Variants in PPP1R14C observed in about 807,000 individuals in gnomAD.
PPP1R14C encodes the protein protein phosphatase 1 regulatory subunit 14C.
In PPP1R14C, 16 loss-of-function variants were observed where a neutral mutation model predicts 20.4. That is an observed-to-expected ratio of 0.78 (90% CI 0.53 to 1.19). The LOEUF (loss-of-function observed/expected upper bound fraction) is 1.19, where lower values mean the gene tolerates loss of function less well. Ranked by LOEUF, PPP1R14C falls within the 50% of genes most tolerant of loss-of-function variation. The pLI is 0.00. For synonymous variants in PPP1R14C, 91 were observed against 91.0 expected (o/e 1.00, Z 0.00); for missense variants, 211 against 220.1 (o/e 0.96, Z 0.26).
intron 1 of PPP1R14C, among the ~76,000 whole-genome samples, chr6:150,177,871 G>A (rs1250642789): frequency 6.6e-6 from 1 of 152,172 alleles, no homozygotes; most frequent in Non-Finnish European, 1.5e-5. Flanking sequence ...CTCATCTCCT[G>A]AGGCCCCGTC....
At chr6:150,238,057 T>A (rs1398163883) in intron 3 of PPP1R14C, among the ~76,000 whole-genome samples, 1 of 152,244 alleles carries the variant, frequency 6.6e-6, no homozygotes, top group Non-Finnish European at 1.5e-5. Context: ...CCTGCTGTTC[T>A]GTCCCTGCCC....
chr6:150,214,925 GGTGTTGGCA>G, intron 2 of PPP1R14C, 98 bp downstream of exon 2: 1 of 841,706 alleles, frequency 1.2e-6, no homozygotes, highest in Non-Finnish European at 1.9e-6. Flanking sequence ...GCCCTGTGGT[GGTGTTGGCA>G]CCAGGACCTG....
At chr6:150,231,325 T>G (rs905283704) in intron 3 of PPP1R14C, among the ~76,000 whole-genome samples, 3 of 152,194 alleles carry the variant, frequency 2.0e-5, no homozygotes, top group Admixed American at 6.5e-5. Flanking sequence ...TCCTCTGTAT[T>G]AGTATGTGTG....
chr6:150,178,501 C>T (rs1777587200), intron 1 of PPP1R14C, among the ~76,000 whole-genome samples: 2 of 152,206 alleles, frequency 1.3e-5, no homozygotes, highest in South Asian at 4.1e-4. Context: ...CTTTGAAGTT[C>T]ATTTCTTCAG....
Position 150,200,183 on chromosome 6 carries a change from T to C in PPP1R14C, c.307-14561T>C, listed in dbSNP as rs150525731. Among the ~76,000 whole-genome samples, 437 of 150,316 alleles carry C rather than the reference T, an allele frequency of 2.9e-3. 8 individuals are homozygous for C. The East Asian group carries it at 0.04, about 14-fold the overall frequency. The stretch of plus-strand genomic sequence containing the variant: ...AGGGCTTTTATAGGATATATATATA[T>C]ACACACACACATACACACACATGTA... On this transcript the variant is annotated intron_variant, in intron 1 of 3. Transcript: ENST00000361131.
rs540307914 is a variant in PPP1R14C, at chr6:150,200,233, C to A, written c.307-14511C>A. Among the ~76,000 whole-genome samples the A allele has an allele frequency of 3.9e-5, 6 of 152,134 alleles. No homozygotes were observed. The South Asian group carries it at 8.3e-4, about 21-fold the overall frequency. On this transcript the variant is annotated intron_variant, in intron 1 of 3. Transcript: ENST00000361131. ...ACACAACACACACACACACAACACACACATACACACATACCTGTAGGATGT... is the reference window on the plus strand; with the variant it reads ...ACACAACACACACACACACAACACAAACATACACACATACCTGTAGGATGT...
chr6:150,224,552 G>A lies in PPP1R14C; in HGVS notation c.423+7696G>A, dbSNP rs372211889. 3.0e-4 allele frequency among the ~76,000 whole-genome samples: 45 copies of A among 152,308 alleles called. 2 individuals carry two copies. The South Asian group carries it at 3.7e-3, about 13-fold the overall frequency. ...AAGATTCTTTCCTCAGCTGTGTGCA[G>A]TTTACTAATGAACCCATCAAAGGCA... On this transcript the variant is annotated intron_variant, in intron 3 of 3. Transcript: ENST00000361131.
rs912754246 is a variant in PPP1R14C, at chr6:150,233,699, G to A, written c.424-15047G>A. On this transcript the variant is annotated intron_variant, in intron 3 of 3. Transcript: ENST00000361131. Reference sequence around the variant, plus strand: ...TGTGGGAGACTGGCCAGGCACTTTCGGACTGCATTGTTGATTGCCATGCCT... The same window carrying A: ...TGTGGGAGACTGGCCAGGCACTTTCAGACTGCATTGTTGATTGCCATGCCT... Among the ~76,000 whole-genome samples the A allele has an allele frequency of 2.6e-5, 4 of 152,072 alleles. No individual in the cohort carries two copies. In the East Asian group the frequency reaches 7.7e-4, roughly 29 times the overall value.
At chr6:150,192,705 G>A (rs1004755566) in intron 1 of PPP1R14C, among the ~76,000 whole-genome samples, 1 of 152,182 alleles carries the variant, frequency 6.6e-6, no homozygotes, top group African/African-American at 2.4e-5. Flanking sequence ...GGGGTTGATA[G>A]GACTCAGCTG....
At position 150,200,171 on chromosome 6, in the gene PPP1R14C, G is replaced by GATATATATATAT. The variant is rs145406314; in HGVS notation, c.307-14571_307-14560dup. On this transcript the variant is annotated intron_variant, in intron 1 of 3. Transcript: ENST00000361131. ...TATTAATATTTGAGGGCTTTTATAG[G>GATATATATATAT]ATATATATATATACACACACACATA... 7.5e-3 allele frequency among the ~76,000 whole-genome samples: 1,103 copies of GATATATATATAT among 147,960 alleles called. 8 individuals carry two copies. The highest frequency in any genetic ancestry group is 0.022 in the African/African-American group (904 of 40,298).
At chr6:150,181,491 T>G (rs1777621454) in intron 1 of PPP1R14C, among the ~76,000 whole-genome samples, 1 of 152,192 alleles carries the variant, frequency 6.6e-6, no homozygotes, top group Non-Finnish European at 1.5e-5. Flanking sequence ...GAATATTTAA[T>G]TATTAGCTAT....
intron 3 of PPP1R14C, among the ~76,000 whole-genome samples, chr6:150,242,405 A>G (rs1323136505): frequency 2.2e-5 from 2 of 92,102 alleles, no homozygotes; most frequent in African/African-American, 1.2e-4. Flanking sequence ...GGAATGCAAG[A>G]TTAGTTTAAC....
At chr6:150,146,098 TACTAGGTG>T (rs1276454335) in intron 1 of PPP1R14C, among the ~76,000 whole-genome samples, 2 of 152,234 alleles carry the variant, frequency 1.3e-5, no homozygotes, top group Non-Finnish European at 2.9e-5. Flanking sequence ...ATTACCTACC[TACTAGGTG>T]ACTAGGTGCT....
intron 1 of PPP1R14C, among the ~76,000 whole-genome samples, chr6:150,158,759 G>A (rs1290859607): frequency 1.3e-5 from 2 of 152,316 alleles, no homozygotes; most frequent in East Asian, 3.9e-4. Flanking sequence ...TAAGAAAGGG[G>A]CACAAGCCCT....
intron 1 of PPP1R14C, among the ~76,000 whole-genome samples, chr6:150,172,554 T>G (rs1221153062): frequency 1.3e-5 from 2 of 152,198 alleles, no homozygotes; most frequent in Admixed American, 1.3e-4. Context: ...TGTGACTTAC[T>G]CAATTCATCA....
At chr6:150,214,657 T>C in intron 1 of PPP1R14C, 87 bp from the exon 2 acceptor site, 1 of 892,712 alleles carries the variant, frequency 1.1e-6, no homozygotes, top group Non-Finnish European at 1.9e-6. Context: ...GATGATCTAG[T>C]TGTTTGTTCA....
intron 1 of PPP1R14C, among the ~76,000 whole-genome samples, chr6:150,188,802 T>C (rs748861969): frequency 5.3e-5 from 8 of 151,194 alleles, no homozygotes; most frequent in Non-Finnish European, 7.4e-5. Flanking sequence ...TACCTTCTTA[T>C]GGGACATTTT....
At chr6:150,230,497 G>A (rs569729528) in intron 3 of PPP1R14C, among the ~76,000 whole-genome samples, 4 of 152,322 alleles carry the variant, frequency 2.6e-5, no homozygotes, top group African/African-American at 9.6e-5. Flanking sequence ...ATCCTCATCT[G>A]CTGTTTCTCT....
chr6:150,221,088 A>G (rs537077194), intron 3 of PPP1R14C, among the ~76,000 whole-genome samples: 1 of 152,360 alleles, frequency 6.6e-6, no homozygotes, highest in South Asian at 2.1e-4. Context: ...GGGTCATTTC[A>G]AAAAGGCTGG....
Sources: allele counts gnomAD v4.1 joint callset (sites outside exome capture counted in the v4.1 genomes callset), GRCh38; gene constraint gnomAD v4.1.1; transcripts MANE v1.5; gene names NCBI Gene and HGNC (gene_info 2026-07-23, HGNC 2026-07-21).